LEPROTL1: variants seen among roughly 807,000 people sequenced by gnomAD.
LEPROTL1 encodes leptin receptor overlapping transcript like 1, also known as leptin receptor overlapping transcript-like 1.
LEPROTL1 carries 6 observed loss-of-function variants against 15.4 expected under a neutral mutation model. The ratio of observed to expected loss-of-function variants is 0.39; its 90% CI spans 0.21 to 0.77. The LOEUF is 0.77. Ranked by LOEUF, LEPROTL1 falls within the 30% of genes least tolerant of loss-of-function variation. The pLI, the probability that LEPROTL1 is intolerant of heterozygous loss-of-function variation, is 0.41. For missense variants in LEPROTL1, 128 were observed against 158.1 expected (o/e 0.81, Z 1.02); for synonymous variants, 56 against 52.6 (o/e 1.06, Z -0.28).
chr8:30,114,296 G>GTTTTGTTTTGTTTTA (rs1244498479), intron 3 of LEPROTL1, among the ~76,000 whole-genome samples: 3 of 138,128 alleles, frequency 2.2e-5, no homozygotes, highest in Non-Finnish European at 4.7e-5. Context: ...GTTTTGTTTT[G>GTTTTGTTTTGTTTTA]TTTTATTTTT....
chr8:30,132,216 C>T (rs1200529157), intron 3 of LEPROTL1: 3 of 1,551,886 alleles, frequency 1.9e-6, no homozygotes, highest in South Asian at 2.4e-5. Context: ...CGAAACCAAA[C>T]ACCTGTCCTG....
At position 30,104,399 on chromosome 8, in the gene LEPROTL1, C is replaced by T. The variant is rs369558721; in HGVS notation, c.192C>T (p.Asn64=). 6.2e-6 allele frequency: 10 copies of T among 1,612,498 alleles called. No individual in the cohort carries two copies. In the African/African-American group the frequency reaches 8.0e-5, roughly 13 times the overall value. The change falls in exon 3 of 4, where the codon AAC becomes AAT. Residue 64 remains asparagine, a synonymous_variant. Transcript: ENST00000321250. ...TGGATGATACAGATGCTATGAGTAA[C>T]GCTTGTAAGGAACTTGCCATCTTTC... is the stretch of plus-strand genomic sequence containing the variant. ...RLVDDTDAMS[N]ACKELAIFLT...
In LEPROTL1 at chr8:30,107,141, T is replaced by C. The variant is rs1802581394; in HGVS notation, c.*1279T>C. On this transcript the variant is annotated 3_prime_UTR_variant, in exon 4 of 4. Transcript: ENST00000321250. Reference sequence around the variant, plus strand: ...CCTCTGAACTGTTTTGATTTTGAGTTCATCATGATAGATCTGCTGTTTCCT... The same window carrying C: ...CCTCTGAACTGTTTTGATTTTGAGTCCATCATGATAGATCTGCTGTTTCCT... 2.0e-6 allele frequency: 2 copies of C among 984,958 alleles called. No individual in the cohort carries two copies. Among genetic ancestry groups the C allele is most frequent in the Non-Finnish European group, 2.4e-6 (2 of 829,598 alleles). The allele number at this position is 984,958 out of a possible 1,614,324, so 61.0% of individuals were successfully genotyped here. A position where few individuals can be genotyped will look rare whatever the true frequency, so the allele number is the denominator to read the frequency against.
chr8:30,112,428 TTTTG>T, downstream of LEPROTL1, among the ~76,000 whole-genome samples: 1 of 140,172 alleles, frequency 7.1e-6, no homozygotes, highest in East Asian at 2.1e-4. Context: ...TTTTTTTTTT[TTTTG>T]GATTTTTGGT....
At chr8:30,112,383 C>T (rs574688797), downstream of LEPROTL1, among the ~76,000 whole-genome samples, 50 of 138,868 alleles carry the variant, frequency 3.6e-4, no homozygotes, top group Middle Eastern at 4.0e-3. Flanking sequence ...CACAGGTGTG[C>T]GCCACCATGC....
chr8:30,132,537 G>C (rs139376997), intron 4 of LEPROTL1: 2 of 1,551,738 alleles, frequency 1.3e-6, no homozygotes, highest in Admixed American at 3.9e-5. Context: ...AGATGCACTC[G>C]AATTGCTGGC....
rs1585467338 is a variant in LEPROTL1, at chr8:30,108,512, G to T, written c.*2650G>T. 1 of 152,092 alleles carries T rather than the reference G, an allele frequency of 6.6e-6. No individual in the cohort carries two copies. The highest frequency in any genetic ancestry group is 1.9e-4 in the East Asian group (1 of 5,198). 9.4% of individuals were successfully genotyped at this position (152,092 alleles called of 1,614,324 possible). A position where few individuals can be genotyped will look rare whatever the true frequency, so the allele number is the denominator to read the frequency against. On this transcript the variant is annotated 3_prime_UTR_variant, in exon 4 of 4. Coordinates refer to ENST00000321250, the MANE Select transcript of LEPROTL1 (RefSeq NM_015344.3). ...TACACTGTGAAGAGAGAAAAGTACT[G>T]TTCTGTATTTTCAAATATTAGTCGT...
Position 30,105,783 on chromosome 8 carries a change from A to G in LEPROTL1, c.317A>G (p.Asn106Ser). Residue 106 changes from asparagine (N) to serine (S), a missense_variant, in exon 4 of 4, where the codon AAC becomes AGC. Physicochemically the swap from Asn to Ser is conservative, Grantham distance 46. Transcript: ENST00000321250. ...GCTTGTGCACTTGTTCTCACAGGAA[A>G]CACAGTCATCTTTGCAACTATACTA... ...WGACALVLTG[N>S]TVIFATILGF... 1.3e-6 allele frequency: 2 copies of G among 1,590,536 alleles called. No individual in the cohort carries two copies. Among genetic ancestry groups the G allele is most frequent in the Non-Finnish European group, 1.7e-6 (2 of 1,167,352 alleles).
At chr8:30,104,524 G>T in intron 3 of LEPROTL1, 38 bp downstream of exon 3, 1 of 1,382,100 alleles carries the variant, frequency 7.2e-7, no homozygotes, top group South Asian at 1.6e-5. Context: ...ATTTTATATT[G>T]AACATGTGTT....
intron 3 of LEPROTL1, among the ~76,000 whole-genome samples, chr8:30,114,876 A>G (rs1365180260): frequency 6.6e-6 from 1 of 152,126 alleles, no homozygotes; most frequent in African/African-American, 2.4e-5. Flanking sequence ...TGGCTGTTAG[A>G]TCTGCCTGGG....
intron 3 of LEPROTL1, among the ~76,000 whole-genome samples, chr8:30,114,120 C>G (rs927353622): frequency 6.6e-6 from 1 of 152,126 alleles, no homozygotes; most frequent in African/African-American, 2.4e-5. Flanking sequence ...GATTCAAAGA[C>G]ACATAGTATA....
At chr8:30,095,881 A>T in intron 1 of LEPROTL1, 1 of 700,624 alleles carries the variant, frequency 1.4e-6, no homozygotes. Context: ...TTTGCATCCG[A>T]GAGAGAGGCA....
At chr8:30,135,820 G>C (rs1311794578) in intron 4 of LEPROTL1, among the ~76,000 whole-genome samples, 1 of 151,644 alleles carries the variant, frequency 6.6e-6, no homozygotes, top group South Asian at 2.1e-4. Flanking sequence ...AGGCTGAGGT[G>C]GGAGGATTGC....
At chr8:30,113,838 T>C (rs904224041) in intron 3 of LEPROTL1, among the ~76,000 whole-genome samples, 3 of 152,014 alleles carry the variant, frequency 2.0e-5, no homozygotes, top group Admixed American at 6.6e-5. Context: ...CACCCAACAG[T>C]GCAGGAAGAA....
At chr8:30,133,168 C>T (rs28477595) in intron 4 of LEPROTL1, among the ~76,000 whole-genome samples, 4,188 of 152,222 alleles carry the variant, frequency 0.028, 210 homozygotes, top group African/African-American at 0.096. Context: ...CTGCCTGTCT[C>T]GGCCTCCCAG....
intron 3 of LEPROTL1, chr8:30,117,694 TA>T: frequency 6.9e-7 from 1 of 1,452,076 alleles, no homozygotes. Flanking sequence ...GAGCACGGCC[TA>T]ATAAGCACCT....
intron 3 of LEPROTL1, among the ~76,000 whole-genome samples, chr8:30,118,022 T>C (rs201168733): frequency 3.4e-5 from 4 of 118,166 alleles, no homozygotes; most frequent in African/African-American, 1.2e-4. Context: ...TTGATTTGTT[T>C]TTTTTTTTTT....
chr8:30,101,465 C>T (rs966048337), intron 1 of LEPROTL1, among the ~76,000 whole-genome samples: 2 of 151,944 alleles, frequency 1.3e-5, no homozygotes, highest in South Asian at 2.1e-4. Flanking sequence ...GTCGGGAGTT[C>T]GAGACCAGCC....
In LEPROTL1 at chr8:30,137,313, G is replaced by C. The variant is rs77583925; in HGVS notation, c.*1G>C. Reference sequence around the variant, plus strand: ...TCTTCAGCAAGATGGGAACAGCTGAGTCTGAAGGAAGAGAAACACTGACAC... The same window carrying C: ...TCTTCAGCAAGATGGGAACAGCTGACTCTGAAGGAAGAGAAACACTGACAC... On this transcript the variant is annotated 3_prime_UTR_variant, in exon 5 of 5. Transcript: ENST00000442880. 4.6e-3 allele frequency: 7,164 copies of C among 1,551,700 alleles called. 298 individuals carry two copies. The African/African-American group carries it at 0.088, about 19-fold the overall frequency.
Sources: gnomAD v4.1 joint callset for allele counts (sites outside exome capture counted in the v4.1 genomes callset) on GRCh38, gnomAD v4.1.1 for gene constraint, MANE v1.5 for transcripts, NCBI Gene and HGNC (gene_info 2026-07-23, HGNC 2026-07-21) for gene names.